NLRC4: variants seen among roughly 807,000 people sequenced by gnomAD.
NLRC4 encodes the protein NLR family CARD domain-containing protein 4.
NLRC4 carries 63 observed loss-of-function variants against 79.9 expected under a neutral mutation model. The observed-to-expected ratio is 0.79, with a 90% CI of 0.64 to 0.97. The LOEUF (loss-of-function observed/expected upper bound fraction) is 0.97. Ranked by LOEUF, NLRC4 falls within the 50% of genes least tolerant of loss-of-function variation. The probability of loss-of-function intolerance (pLI) is 0.00; values close to 1 mark genes in which losing one functional copy is unlikely to be tolerated. For missense variants in NLRC4, 1,074 were observed against 1,215.2 expected, an observed-to-expected ratio of 0.88 and a Z score of 1.73; for synonymous variants, 461 against 456.5, an observed-to-expected ratio of 1.01 and a Z score of -0.12.
chr2:32,258,007 C>T (rs569586673), intron 1 of NLRC4, among the ~76,000 whole-genome samples: 43 of 152,190 alleles, frequency 2.8e-4, no homozygotes, highest in African/African-American at 9.6e-4. Context: ...TTCTGTATTC[C>T]GGGGTTCTTG....
chr2:32,260,213 C>CAAAAAAAAAAAAA (rs1197388989), intron 1 of NLRC4, among the ~76,000 whole-genome samples: 1 of 75,076 alleles, frequency 1.3e-5, no homozygotes, highest in African/African-American at 6.1e-5. Context: ...TGGGCAACGA[C>CAAAAAAAAAAAAA]AAAAAAAAAA....
intron 5 of NLRC4, 68 bp from the exon 6 acceptor site, chr2:32,238,370 C>A: frequency 7.5e-7 from 1 of 1,331,420 alleles, no homozygotes; most frequent in East Asian, 2.4e-5. Flanking sequence ...GATTAATGAA[C>A]TGAAAAGAAA....
intron 4 of NLRC4, 86 bp from the exon 5 acceptor site, chr2:32,241,211 A>C: frequency 1.2e-6 from 1 of 828,060 alleles, no homozygotes; most frequent in Non-Finnish European, 2.0e-6. Context: ...TTTGTTACCA[A>C]TCAAAAGATT....
intron 1 of NLRC4, among the ~76,000 whole-genome samples, chr2:32,261,633 T>C (rs1407407909): frequency 1.3e-5 from 2 of 151,196 alleles, no homozygotes; most frequent in African/African-American, 4.9e-5. Context: ...TCAAACTCAC[T>C]TCTTGTGTGT....
At chr2:32,225,864 T>C (rs1303093945) in intron 8 of NLRC4, among the ~76,000 whole-genome samples, 1 of 152,228 alleles carries the variant, frequency 6.6e-6, no homozygotes, top group African/African-American at 2.4e-5. Flanking sequence ...CACCCAACTT[T>C]GGAGGGTTAA....
chr2:32,249,237 C>T (rs991406175), intron 4 of NLRC4, among the ~76,000 whole-genome samples: 1 of 152,224 alleles, frequency 6.6e-6, no homozygotes, highest in South Asian at 2.1e-4. Flanking sequence ...AGCCCACGGA[C>T]TGCAGGTTGG....
At chr2:32,260,118 A>G (rs1687305228) in intron 1 of NLRC4, among the ~76,000 whole-genome samples, 2 of 147,798 alleles carry the variant, frequency 1.4e-5, no homozygotes, top group Non-Finnish European at 3.0e-5. Flanking sequence ...AATTCCAGCT[A>G]CTTGGGAGGC....
intron 8 of NLRC4, among the ~76,000 whole-genome samples, chr2:32,233,414 A>G (rs1686601645): frequency 7.1e-6 from 1 of 140,740 alleles, no homozygotes; most frequent in Non-Finnish European, 1.5e-5. Flanking sequence ...CTGGTTTCAA[A>G]CTTCTGGGCT....
intron 5 of NLRC4, 123 bp downstream of exon 5, chr2:32,240,910 A>G (rs1304452622): frequency 3.7e-5 from 23 of 624,892 alleles, no homozygotes; most frequent in Admixed American, 1.8e-4. Flanking sequence ...GGGGAAACCA[A>G]TGTAGCCACA....
Position 32,256,844 on chromosome 2 carries a change from A to G in NLRC4, c.-69T>C. The stretch of plus-strand genomic sequence containing the variant: ...AATATTATTTCCAAATGGAAAGGTC[A>G]AAGGTGATCCCAATATTGTCCTCTT... On this transcript the variant is annotated 5_prime_UTR_variant, in exon 2 of 9. An upstream open reading frame in the 5' UTR loses its in-frame stop. Coordinates refer to ENST00000402280, the MANE Select transcript of NLRC4 (RefSeq NM_001199138.2). The G allele has an allele frequency of 1.3e-6, 1 of 774,408 alleles. No homozygotes were observed. Among genetic ancestry groups the G allele is most frequent in the Non-Finnish European group, 2.4e-6 (1 of 415,092 alleles). 48.0% of individuals were successfully genotyped at this position (774,408 alleles called of 1,614,324 possible). A position where few individuals can be genotyped will look rare whatever the true frequency, so the allele number is the denominator to read the frequency against.
intron 4 of NLRC4, among the ~76,000 whole-genome samples, chr2:32,248,488 A>G (rs1439813464): frequency 1.3e-5 from 2 of 152,246 alleles, no homozygotes; most frequent in Non-Finnish European, 2.9e-5. Context: ...AGACCATGCC[A>G]GGCAAAGGCT....
intron 2 of NLRC4, 22 bp downstream of exon 2, chr2:32,256,753 A>G (rs1169968630): frequency 1.3e-6 from 1 of 780,830 alleles, no homozygotes; most frequent in African/African-American, 1.7e-5. Context: ...AACCAGGCAG[A>G]TGTTATTTCT....
At chr2:32,227,704 T>C (rs1035860250) in intron 8 of NLRC4, among the ~76,000 whole-genome samples, 7 of 152,220 alleles carry the variant, frequency 4.6e-5, no homozygotes, top group African/African-American at 9.6e-5. Context: ...GAGAGTTTCT[T>C]AGATAATTAT....
chr2:32,259,261 A>C (rs1175509667), intron 1 of NLRC4, among the ~76,000 whole-genome samples: 1 of 51,628 alleles, frequency 1.9e-5, no homozygotes, highest in Non-Finnish European at 3.9e-5. Context: ...ATGCCTGGCT[A>C]ATTTTTTTTT....
intron 8 of NLRC4, among the ~76,000 whole-genome samples, chr2:32,231,581 G>GGC (rs371338197): frequency 1.8e-5 from 2 of 109,618 alleles, no homozygotes; most frequent in Non-Finnish European, 1.8e-5. Context: ...TTGTGGGGGG[G>GGC]GGGTGGGGGA....
chr2:32,247,000 C>T (rs1686952442), intron 4 of NLRC4, among the ~76,000 whole-genome samples: 1 of 152,272 alleles, frequency 6.6e-6, no homozygotes, highest in East Asian at 1.9e-4. Context: ...TCAAGTAATC[C>T]TCCTGCCTTG....
Position 32,251,586 on chromosome 2 carries a change from G to A in NLRC4, c.278C>T (p.Thr93Ile), listed in dbSNP as rs763048071. The A allele has an allele frequency of 6.3e-7, 1 of 1,596,330 alleles. No individual in the cohort carries two copies. The highest frequency in any genetic ancestry group is 1.3e-5 in the African/African-American group (1 of 74,226). ...CAAATCGTCCAAGTCTCCTTCTGAT[G>A]TCTGATGAAAAAGACCTATTAGAGA... Reference protein sequence around the residue: ...DLNGQSLFHQTSEGDLDDLAQ... With the variant: ...DLNGQSLFHQISEGDLDDLAQ... The change falls in exon 4 of 9, where the codon ACA becomes ATA. Residue 93 changes from threonine to isoleucine, a missense_variant. Thr to Ile is a moderately conservative substitution (Grantham distance 89). Transcript: ENST00000402280.
chr2:32,247,252 G>T (rs980304200), intron 4 of NLRC4, among the ~76,000 whole-genome samples: 2 of 152,222 alleles, frequency 1.3e-5, no homozygotes, highest in Admixed American at 1.3e-4. Context: ...AGAGATGGGG[G>T]TGCTCGCAGG....
intron 8 of NLRC4, among the ~76,000 whole-genome samples, chr2:32,228,423 A>G (rs1364141039): frequency 3.9e-5 from 6 of 152,166 alleles, no homozygotes; most frequent in Non-Finnish European, 8.8e-5. Flanking sequence ...TCCCTTAGAC[A>G]CACAGAACTC....
Sources: allele counts gnomAD v4.1 joint callset (sites outside exome capture counted in the v4.1 genomes callset), GRCh38; gene constraint gnomAD v4.1.1; transcripts MANE v1.5; gene names NCBI Gene and HGNC (gene_info 2026-07-23, HGNC 2026-07-21).